CCR3: variants seen among roughly 807,000 people sequenced by gnomAD.
The protein encoded by CCR3 is C-C chemokine receptor type 3.
For missense variants in CCR3, 419 were observed against 437.5 expected, an observed-to-expected ratio of 0.96 and a Z score of 0.38; for synonymous variants, 203 against 179.2, an observed-to-expected ratio of 1.13 and a Z score of -1.06.
chr3:46,243,684 C>G (rs1458207250), intron 1 of CCR3, among the ~76,000 whole-genome samples: 1 of 152,158 alleles, frequency 6.6e-6, no homozygotes, highest in African/African-American at 2.4e-5. Context: ...AAGTGCAGCT[C>G]TTTCCAGAAA....
intron 1 of CCR3, among the ~76,000 whole-genome samples, chr3:46,257,427 C>G: frequency 9.6e-6 from 1 of 103,938 alleles, no homozygotes; most frequent in East Asian, 2.8e-4. Context: ...TTGTCCCAGG[C>G]TTTTTTTTTT....
chr3:46,223,138 G>A (rs536590454), intron 2 of CCR3, among the ~76,000 whole-genome samples: 1 of 152,298 alleles, frequency 6.6e-6, no homozygotes, highest in African/African-American at 2.4e-5. Flanking sequence ...TGGATCATGA[G>A]GTCAGGAGTT....
chr3:46,264,509 A>C lies in CCR3; in HGVS notation c.-11-639A>C. The C allele has an allele frequency of 7.2e-6, 8 of 1,113,264 alleles. No individual in the cohort carries two copies. The South Asian group carries it at 1.1e-4, about 15-fold the overall frequency. The allele number at this position is 1,113,264 out of a possible 1,614,324, so 69.0% of individuals were successfully genotyped here. A position where few individuals can be genotyped will look rare whatever the true frequency, so the allele number is the denominator to read the frequency against. On this transcript the variant is annotated intron_variant, in intron 1 of 1. Coordinates refer to ENST00000395940, the MANE Select transcript of CCR3 (RefSeq NM_178329.3). ...TTTAAAAATCACTACATTTGAATCT[A>C]GTGACAGGAGAAATGGACATGGATA...
intron 2 of CCR3, among the ~76,000 whole-genome samples, chr3:46,224,391 G>A (rs1699870469): frequency 6.6e-6 from 1 of 151,948 alleles, no homozygotes; most frequent in Non-Finnish European, 1.5e-5. Context: ...GAGGCCAGGA[G>A]TTCAGGACCA....
At chr3:46,220,584 A>G (rs1041928042) in intron 2 of CCR3, among the ~76,000 whole-genome samples, 1 of 152,260 alleles carries the variant, frequency 6.6e-6, no homozygotes, top group Non-Finnish European at 1.5e-5. Flanking sequence ...TCACAATTGC[A>G]AAAATATGGA....
rs1354050414 is a variant in CCR3, at chr3:46,266,404, A to T, written c.*178A>T. ...TAGATGCATGTACCCTAAGGTCATT[A>T]CCACAGGCCAGGGGCTGGGCAGCGT... On this transcript the variant is annotated 3_prime_UTR_variant, in exon 2 of 2. Transcript: ENST00000395940. 1 of 570,728 alleles carries T rather than the reference A, an allele frequency of 1.8e-6. No individual in the cohort carries two copies. Among genetic ancestry groups the T allele is most frequent in the East Asian group, 2.9e-5 (1 of 34,222 alleles). 35.4% of individuals were successfully genotyped at this position (570,728 alleles called of 1,614,324 possible).
intron 2 of CCR3, among the ~76,000 whole-genome samples, chr3:46,232,919 A>G (rs188417916): frequency 3.9e-5 from 6 of 152,236 alleles, no homozygotes. Context: ...TGCAACCTCT[A>G]CTTCCTGATT....
intron 1 of CCR3, among the ~76,000 whole-genome samples, chr3:46,253,397 T>TA (rs1700356360): frequency 6.6e-6 from 1 of 152,152 alleles, no homozygotes; most frequent in Non-Finnish European, 1.5e-5. Context: ...GCCAGTATCA[T>TA]ACTCTCTCCC....
intron 2 of CCR3, among the ~76,000 whole-genome samples, chr3:46,224,468 T>A (rs1413488095): frequency 6.6e-6 from 1 of 151,982 alleles, no homozygotes; most frequent in Non-Finnish European, 1.5e-5. Flanking sequence ...CTGGGCACGG[T>A]GGCTCACACC....
intron 2 of CCR3, among the ~76,000 whole-genome samples, chr3:46,235,387 T>A (rs1388604): frequency 0.36 from 53,998 of 152,042 alleles, 9,834 homozygotes; most frequent in African/African-American, 0.42. Context: ...GCTATCATGG[T>A]TAGCATTGGA....
intron 1 of CCR3, among the ~76,000 whole-genome samples, chr3:46,255,632 G>A (rs766700834): frequency 6.6e-6 from 1 of 152,126 alleles, no homozygotes; most frequent in Non-Finnish European, 1.5e-5. Flanking sequence ...AATTATCCCA[G>A]CACCATTTGT....
intron 2 of CCR3, among the ~76,000 whole-genome samples, chr3:46,237,109 A>G (rs1309825698): frequency 6.6e-6 from 1 of 152,168 alleles, no homozygotes; most frequent in Non-Finnish European, 1.5e-5. Flanking sequence ...TTCTTTATCT[A>G]TTCATCCATT....
upstream of CCR3, among the ~76,000 whole-genome samples, chr3:46,238,741 G>A (rs561866802): frequency 1.1e-4 from 16 of 152,192 alleles, no homozygotes; most frequent in Middle Eastern, 3.4e-3. Flanking sequence ...GTGAGACAGA[G>A]AAAAAAGTGG....
intron 1 of CCR3, among the ~76,000 whole-genome samples, chr3:46,247,287 G>C (rs909079109): frequency 4.6e-5 from 7 of 152,130 alleles, no homozygotes; most frequent in African/African-American, 1.7e-4. Context: ...GAAAATAGTA[G>C]GGATGACAAG....
At chr3:46,257,863 C>A (rs1157754242) in intron 1 of CCR3, among the ~76,000 whole-genome samples, 1 of 152,122 alleles carries the variant, frequency 6.6e-6, no homozygotes, top group Non-Finnish European at 1.5e-5. Context: ...ACAGAGAAGC[C>A]AATGTTGTAA....
chr3:46,243,611 G>C (rs1207508211), intron 1 of CCR3, among the ~76,000 whole-genome samples: 1 of 152,190 alleles, frequency 6.6e-6, no homozygotes, highest in Non-Finnish European at 1.5e-5. Flanking sequence ...AGTACTTCAA[G>C]TGAGAGTGGT....
intron 2 of CCR3, among the ~76,000 whole-genome samples, chr3:46,219,363 T>G (rs1013585817): frequency 2.6e-5 from 4 of 152,150 alleles, no homozygotes; most frequent in Non-Finnish European, 5.9e-5. Context: ...ACACATCCCA[T>G]GCTCACGGAC....
intron 1 of CCR3, among the ~76,000 whole-genome samples, chr3:46,254,770 A>G (rs1306273125): frequency 1.3e-5 from 2 of 152,240 alleles, no homozygotes; most frequent in Non-Finnish European, 2.9e-5. Context: ...CTTAACTTAG[A>G]ATAATGATCT....
Position 46,224,573 on chromosome 3 carries a change from C to G in CCR3, c.-68+13666C>G, listed in dbSNP as rs917021542. Among the ~76,000 whole-genome samples, 6 of 151,836 alleles carry G rather than the reference C, an allele frequency of 4.0e-5. No homozygotes were observed. In the East Asian group the frequency reaches 1.2e-3, roughly 29 times the overall value. Reference sequence around the variant, plus strand: ...CCAACATGGTGAAACCCTGTCTCTACTAAAAATACAAAAATTAGCCAGGCA... The same window carrying G: ...CCAACATGGTGAAACCCTGTCTCTAGTAAAAATACAAAAATTAGCCAGGCA... On this transcript the variant is annotated intron_variant, in intron 2 of 3. Transcript: ENST00000357422.
Sources: allele counts gnomAD v4.1 joint callset (sites outside exome capture counted in the v4.1 genomes callset), GRCh38; gene constraint gnomAD v4.1.1; transcripts MANE v1.5; gene names NCBI Gene and HGNC (gene_info 2026-07-23, HGNC 2026-07-21).